The following NARS2 variants were observed in gnomAD, a reference collection of about 807,000 sequenced individuals.
The protein encoded by NARS2 is asparaginyl-tRNA synthetase 2, mitochondrial, also known as asparaginyl-tRNA synthetase.
Under a neutral mutation model 62.9 loss-of-function variants are expected in NARS2, and 60 were observed. That is an observed-to-expected ratio of 0.95 (90% CI 0.77 to 1.18). The LOEUF (loss-of-function observed/expected upper bound fraction) is 1.18, where lower values mean the gene tolerates loss of function less well. Among genes scored for constraint, NARS2 ranks in the 50% most tolerant of loss-of-function variants. NARS2 has a pLI of 0.00. For synonymous variants in NARS2, 196 were observed against 200.0 expected, an observed-to-expected ratio of 0.98 and a Z score of 0.17; for missense variants, 619 against 576.4, an observed-to-expected ratio of 1.07 and a Z score of -0.76.
intron 5 of NARS2, among the ~76,000 whole-genome samples, chr11:78,533,014 T>C (rs1861535543): frequency 6.6e-6 from 1 of 152,192 alleles, no homozygotes; most frequent in South Asian, 2.1e-4. Flanking sequence ...ATTTTGCACT[T>C]GAACAAACTC....
intron 13 of NARS2, among the ~76,000 whole-genome samples, chr11:78,439,454 T>G (rs950211113): frequency 4.6e-5 from 7 of 152,056 alleles, no homozygotes; most frequent in African/African-American, 1.4e-4. Flanking sequence ...ATAGCAAGAC[T>G]CAGAACAAAG....
At chr11:78,454,182 TG>T (rs1858070578) in intron 11 of NARS2, among the ~76,000 whole-genome samples, 1 of 152,216 alleles carries the variant, frequency 6.6e-6, no homozygotes, top group South Asian at 2.1e-4. Context: ...GTATGACCTA[TG>T]GGAATGACTT....
chr11:78,486,383 C>T (rs1227736858), intron 7 of NARS2, among the ~76,000 whole-genome samples: 2 of 152,116 alleles, frequency 1.3e-5, no homozygotes, highest in African/African-American at 4.8e-5. Context: ...TAACATAAGG[C>T]TAGGGCTCAC....
At chr11:78,544,128 A>G (rs1379300390) in intron 5 of NARS2, among the ~76,000 whole-genome samples, 1 of 152,096 alleles carries the variant, frequency 6.6e-6, no homozygotes, top group Non-Finnish European at 1.5e-5. Context: ...CCTAAAATAC[A>G]GCATTAGACT....
intron 5 of NARS2, among the ~76,000 whole-genome samples, chr11:78,558,065 A>G (rs1348107954): frequency 1.3e-5 from 2 of 152,090 alleles, no homozygotes; most frequent in Non-Finnish European, 2.9e-5. Flanking sequence ...GGATTTAGAA[A>G]TGTATTTACA....
intron 6 of NARS2, among the ~76,000 whole-genome samples, chr11:78,505,691 A>T (rs1452206376): frequency 6.6e-6 from 1 of 152,198 alleles, no homozygotes; most frequent in Non-Finnish European, 1.5e-5. Context: ...ACAGAGGTAA[A>T]TCAGGTATGG....
intron 12 of NARS2, among the ~76,000 whole-genome samples, chr11:78,442,167 A>G (rs17136607): frequency 0.046 from 7,079 of 152,272 alleles, 529 homozygotes; most frequent in African/African-American, 0.16. Context: ...AAGAAAACAG[A>G]CCAATTAATC....
chr11:78,469,733 G>A (rs59067761), intron 9 of NARS2, among the ~76,000 whole-genome samples: 360 of 152,076 alleles, frequency 2.4e-3, no homozygotes, highest in African/African-American at 8.3e-3. Context: ...CAGCCTTCAT[G>A]GAGACAATGT....
intron 6 of NARS2, among the ~76,000 whole-genome samples, chr11:78,502,990 T>TAAAAAAAAAA (rs1396086338): frequency 4.2e-5 from 1 of 24,078 alleles, no homozygotes; most frequent in African/African-American, 2.5e-4. Flanking sequence ...TGAGACTGTC[T>TAAAAAAAAAA]CAAAAAAAAA....
intron 6 of NARS2, among the ~76,000 whole-genome samples, chr11:78,513,553 G>A (rs1860795605): frequency 1.3e-5 from 2 of 151,968 alleles, no homozygotes; most frequent in South Asian, 2.1e-4. Flanking sequence ...CGAGGCGGGC[G>A]GATCACCTGA....
chr11:78,544,325 T>C (rs1188201521), intron 5 of NARS2, among the ~76,000 whole-genome samples: 3 of 152,328 alleles, frequency 2.0e-5, no homozygotes, highest in Middle Eastern at 6.8e-3. Flanking sequence ...TTGTCATAAC[T>C]GGGGAGAGCT....
chr11:78,521,670 G>T (rs969038509), intron 6 of NARS2, among the ~76,000 whole-genome samples: 1 of 150,184 alleles, frequency 6.7e-6, no homozygotes, highest in African/African-American at 2.4e-5. Context: ...GGTGCCTGTA[G>T]TCCCAGCTAC....
intron 11 of NARS2, among the ~76,000 whole-genome samples, chr11:78,460,948 TATTTACACAGC>T (rs2135194900): frequency 6.6e-6 from 1 of 152,332 alleles, no homozygotes; most frequent in Non-Finnish European, 1.5e-5. Flanking sequence ...GCATAACAAC[TATTTACACAGC>T]ATTTACATTG....
chr11:78,492,576 G>C lies in NARS2; in HGVS notation c.822+487C>G, dbSNP rs1021160544. 4.6e-5 allele frequency among the ~76,000 whole-genome samples: 7 copies of C among 152,132 alleles called. 1 individual carries two copies. The highest frequency in any genetic ancestry group is 1.0e-4 in the Non-Finnish European group (7 of 68,030). ...GCCTTGTCCCCTGCTCAACTGAGCTGATAGCTCCTGTGGATGCTTTCTAAT... is the reference window on the plus strand; with the variant it reads ...GCCTTGTCCCCTGCTCAACTGAGCTCATAGCTCCTGTGGATGCTTTCTAAT... On this transcript the variant is annotated intron_variant, in intron 7 of 13. Coordinates refer to ENST00000281038, the MANE Select transcript of NARS2 (RefSeq NM_024678.6).
intron 11 of NARS2, among the ~76,000 whole-genome samples, chr11:78,462,121 TA>T (rs1390291979): frequency 6.6e-6 from 1 of 152,122 alleles, no homozygotes; most frequent in African/African-American, 2.4e-5. Flanking sequence ...GCAAAGTACT[TA>T]AGTACAAAAT....
intron 5 of NARS2, 106 bp downstream of exon 5, chr11:78,559,433 G>T: frequency 1.4e-6 from 1 of 733,726 alleles, no homozygotes; most frequent in Non-Finnish European, 2.3e-6. Context: ...ACAATTTCAG[G>T]TGCTGCTCAT....
intron 10 of NARS2, among the ~76,000 whole-genome samples, chr11:78,468,496 C>T (rs1858728045): frequency 6.6e-6 from 1 of 150,856 alleles, no homozygotes; most frequent in African/African-American, 2.4e-5. Context: ...ACTCTGCCCC[C>T]CGGGTTCATG....
At chr11:78,510,557 T>C (rs1590796274) in intron 6 of NARS2, among the ~76,000 whole-genome samples, 2 of 152,028 alleles carry the variant, frequency 1.3e-5, no homozygotes, top group East Asian at 3.9e-4. Flanking sequence ...AGACAGAAGA[T>C]AACTAAAAAG....
chr11:78,459,468 C>T (rs1182983255), intron 11 of NARS2, among the ~76,000 whole-genome samples: 1 of 151,220 alleles, frequency 6.6e-6, no homozygotes, highest in South Asian at 2.1e-4. Context: ...CGGGGTTTCT[C>T]CATGTTGGTC....
Sources: gnomAD v4.1 joint callset for allele counts (sites outside exome capture counted in the v4.1 genomes callset) on GRCh38, gnomAD v4.1.1 for gene constraint, MANE v1.5 for transcripts, NCBI Gene and HGNC (gene_info 2026-07-23, HGNC 2026-07-21) for gene names.